Variants in MIER1 observed in about 807,000 individuals in gnomAD.
MIER1 encodes MIER1 transcriptional regulator.
In MIER1, 40 loss-of-function variants were observed where a neutral mutation model predicts 75.7. That is an observed-to-expected ratio of 0.53 (90% CI 0.41 to 0.69). MIER1 has a LOEUF of 0.69. Ranked by LOEUF, MIER1 falls within the 30% of genes least tolerant of loss-of-function variation. The pLI is 0.00. For missense variants in MIER1, 574 were observed against 680.2 expected (o/e 0.84, Z 1.74); for synonymous variants, 213 against 223.4 (o/e 0.95, Z 0.42).
chr1:66,964,694 C>T (rs1333483870), intron 8 of MIER1, among the ~76,000 whole-genome samples: 3 of 152,046 alleles, frequency 2.0e-5, no homozygotes, highest in South Asian at 2.1e-4. Context: ...TCAGGTGATT[C>T]GCCTGCCTCA....
intron 2 of MIER1, among the ~76,000 whole-genome samples, chr1:66,936,030 T>TG (rs1212240047): frequency 1.3e-5 from 2 of 152,214 alleles, no homozygotes; most frequent in East Asian, 3.8e-4. Context: ...TTTTAAAATA[T>TG]ATCAGTAGGA....
intron 12 of MIER1, among the ~76,000 whole-genome samples, chr1:66,978,924 AC>A (rs1283376585): frequency 6.6e-6 from 1 of 152,210 alleles, no homozygotes; most frequent in Non-Finnish European, 1.5e-5. Flanking sequence ...TTTATCTGTA[AC>A]TTTAATGACT....
At chr1:66,975,542 G>T (rs200562091) in intron 11 of MIER1, among the ~76,000 whole-genome samples, 1 of 93,278 alleles carries the variant, frequency 1.1e-5, no homozygotes. Context: ...AAAAGAAAAA[G>T]AAAGGAAAAA....
chr1:66,949,194 A>G (rs895259587), intron 4 of MIER1, among the ~76,000 whole-genome samples: 1 of 152,204 alleles, frequency 6.6e-6, no homozygotes. Flanking sequence ...TCTGTCTTAT[A>G]TTCTATATTA....
chr1:66,972,242 A>ATATATATATATATATACAC (rs1663813841), intron 10 of MIER1, among the ~76,000 whole-genome samples: 2 of 70,250 alleles, frequency 2.8e-5, no homozygotes, highest in African/African-American at 1.9e-4. Context: ...CTACATATAT[A>ATATATATATATATATACAC]TATATATATA....
At chr1:66,945,046 A>C (rs1657168137) in intron 3 of MIER1, among the ~76,000 whole-genome samples, 1 of 152,098 alleles carries the variant, frequency 6.6e-6, no homozygotes, top group Non-Finnish European at 1.5e-5. Context: ...TTTTCAAGGA[A>C]GTACTTATAG....
chr1:66,982,030 A>G, intron 13 of MIER1, 112 bp downstream of exon 13: 1 of 1,055,020 alleles, frequency 9.5e-7, no homozygotes, highest in Non-Finnish European at 1.4e-6. Context: ...GAAAGTAAAA[A>G]ATGATAACAC....
intron 4 of MIER1, among the ~76,000 whole-genome samples, chr1:66,956,909 A>T (rs111862055): frequency 2.0e-5 from 3 of 152,332 alleles, no homozygotes; most frequent in African/African-American, 7.2e-5. Context: ...TGTATCATCT[A>T]ATCCAGTCTG....
intron 4 of MIER1, chr1:66,948,121 A>G: frequency 3.3e-6 from 3 of 905,480 alleles, no homozygotes; most frequent in Non-Finnish European, 4.0e-6. Flanking sequence ...AGAAGATGAA[A>G]TAAAATGACT....
chr1:66,957,715 T>C (rs1433569392), intron 4 of MIER1, among the ~76,000 whole-genome samples: 4 of 151,352 alleles, frequency 2.6e-5, no homozygotes, highest in Non-Finnish European at 5.9e-5. Flanking sequence ...AGTATGGTAC[T>C]CTTATTAAGA....
chr1:66,953,109 C>T (rs1347609163), intron 4 of MIER1, among the ~76,000 whole-genome samples: 3 of 152,086 alleles, frequency 2.0e-5, no homozygotes, highest in Non-Finnish European at 4.4e-5. Context: ...AAATCTACGG[C>T]CAGGGAATAC....
At chr1:66,930,478 T>C (rs899672989) in intron 2 of MIER1, 1 of 1,475,528 alleles carries the variant, frequency 6.8e-7, no homozygotes, top group Non-Finnish European at 9.2e-7. Flanking sequence ...GGAGTGGGCC[T>C]GGCCAGGAGA....
chr1:66,978,778 G>C (rs908610313), intron 12 of MIER1, among the ~76,000 whole-genome samples: 2 of 152,170 alleles, frequency 1.3e-5, no homozygotes, highest in Non-Finnish European at 2.9e-5. Flanking sequence ...CTTTCAGAAA[G>C]CATCACCAAA....
chr1:66,954,484 G>C (rs139656407), intron 4 of MIER1, among the ~76,000 whole-genome samples: 23 of 152,084 alleles, frequency 1.5e-4, no homozygotes, highest in Non-Finnish European at 2.8e-4. Flanking sequence ...CTCTAATCAG[G>C]GTGACTGGCT....
intron 1 of MIER1, chr1:66,925,348 C>G (rs1304467419): frequency 1.0e-5 from 10 of 985,348 alleles, no homozygotes; most frequent in Non-Finnish European, 1.2e-5. Context: ...TTTGCCTTCG[C>G]GGTGGTGGCG....
chr1:66,981,538 A>C (rs1310244006), intron 12 of MIER1, among the ~76,000 whole-genome samples: 1 of 152,136 alleles, frequency 6.6e-6, no homozygotes, highest in Non-Finnish European at 1.5e-5. Context: ...CAAGCTTTAA[A>C]ATTTCCTATG....
In MIER1 at chr1:66,958,921, C is replaced by T. The variant is rs776059188; in HGVS notation, c.572C>T (p.Ser191Phe). ...TQSSNDDPSQ[S>F]VASQDAQEII... ...TCTTCCAATGATGATCCATCACAAT[C>T]TGTTGCTTCTCAAGATGCCCAGGAA... The change falls in exon 6 of 14, where the codon TCT (serine) becomes TTT (phenylalanine). Residue 191 changes from serine (S) to phenylalanine (F), a missense_variant. Ser to Phe is a radical substitution (Grantham distance 155). This residue lies in a region of MIER1 where 309 missense variants were observed against 352.8 expected (regional missense o/e 0.88). Transcript: ENST00000401041. 6.2e-7 allele frequency: 1 copy of T among 1,612,518 alleles called. No individual in the cohort carries two copies. Among genetic ancestry groups the T allele is most frequent in the East Asian group, 2.2e-5 (1 of 44,830 alleles).
chr1:66,945,316 T>TAA (rs1491542595), intron 3 of MIER1, among the ~76,000 whole-genome samples: 3 of 106,798 alleles, frequency 2.8e-5, no homozygotes, highest in East Asian at 5.3e-4. Context: ...TATATATATA[T>TAA]AAAATACCTA....
intron 4 of MIER1, among the ~76,000 whole-genome samples, chr1:66,953,831 T>G (rs1659535349): frequency 6.6e-6 from 1 of 152,082 alleles, no homozygotes; most frequent in Non-Finnish European, 1.5e-5. Context: ...CTTGAACTCC[T>G]GATCTCAAGT....
Sources: allele counts gnomAD v4.1 joint callset (sites outside exome capture counted in the v4.1 genomes callset), GRCh38; gene constraint gnomAD v4.1.1; regional missense constraint gnomAD v4.1.1; transcripts MANE v1.5; gene names NCBI Gene and HGNC (gene_info 2026-07-23, HGNC 2026-07-21).